Variants in DOCK6 observed in about 807,000 individuals in gnomAD.
The protein encoded by DOCK6 is dedicator of cytokinesis 6.
A neutral mutation model predicts 230.3 loss-of-function variants in DOCK6; 167 were observed. The ratio of observed to expected loss-of-function variants is 0.73; its 90% confidence interval spans 0.64 to 0.82. The LOEUF (loss-of-function observed/expected upper bound fraction) is 0.82, where lower values mean the gene tolerates loss of function less well. Among genes scored for constraint, DOCK6 ranks in the 40% least tolerant of loss-of-function variants. The pLI, the probability that DOCK6 is intolerant of heterozygous loss-of-function variation, is 0.00. For missense variants in DOCK6, 2,598 were observed against 2,825.8 expected, an observed-to-expected ratio of 0.92 and a Z score of 1.83; for synonymous variants, 1,148 against 1,185.0, an observed-to-expected ratio of 0.97 and a Z score of 0.64.
At chr19:11,203,902 G>A (rs1278345858) in intron 41 of DOCK6, 179 bp downstream of exon 41, 2 of 751,930 alleles carry the variant, frequency 2.7e-6, no homozygotes, top group South Asian at 1.9e-5. Flanking sequence ...TGGGGCGGGG[G>A]GTGGGGGCAT....
rs746199561 is a variant in DOCK6, at chr19:11,233,315, C to G, written c.2606G>C (p.Arg869Pro). 1 of 1,613,776 alleles carries G rather than the reference C, an allele frequency of 6.2e-7. No homozygotes were observed. Among genetic ancestry groups the G allele is most frequent in the South Asian group, 1.1e-5 (1 of 91,068 alleles). Residue 869 changes from arginine (R) to proline (P), a missense_variant, in exon 22 of 48, where the codon CGC becomes CCC. Arg to Pro is a moderately radical substitution (Grantham distance 103, BLOSUM62 -2). Transcript: ENST00000294618. Reference sequence around the variant, plus strand: ...ACGCGCCAGGTAGAGGCTTGCGGGGCGACCAGAGCCACGGGCCAGTGTGGC... The same window carrying G: ...ACGCGCCAGGTAGAGGCTTGCGGGGGGACCAGAGCCACGGGCCAGTGTGGC... Reference protein sequence around the residue: ...QAATLARGSGRPASLYLARSK... With the variant: ...QAATLARGSGPPASLYLARSK...
intron 24 of DOCK6, among the ~76,000 whole-genome samples, chr19:11,224,198 CT>C (rs903828500): frequency 6.7e-6 from 1 of 148,746 alleles, no homozygotes; most frequent in Non-Finnish European, 1.5e-5. Context: ...ACTTTTCTTT[CT>C]TTCTTTCTTT....
At chr19:11,261,476 C>T (rs1308254534) in intron 1 of DOCK6, among the ~76,000 whole-genome samples, 4 of 152,104 alleles carry the variant, frequency 2.6e-5, no homozygotes, top group African/African-American at 4.8e-5. Flanking sequence ...TCCATAAGAC[C>T]AGGGCCCAAC....
chr19:11,248,166 G>T lies in DOCK6; in HGVS notation c.721-15C>A. 6.4e-7 allele frequency: 1 copy of T among 1,557,222 alleles called. No homozygotes were observed. Among genetic ancestry groups the T allele is most frequent in the Non-Finnish European group, 8.8e-7 (1 of 1,133,664 alleles). ...ACGGCTTCATCCTGCCAAGAGTGGG[G>T]GGTGGGAGCTGGGCGGGAGGAGCTG... On this transcript the variant is annotated splice_polypyrimidine_tract_variant and intron_variant, in intron 6 of 47. Transcript: ENST00000294618.
chr19:11,234,778 G>A lies in DOCK6; in HGVS notation c.2554+820C>T, dbSNP rs1298086912. ...AAGAGGCTTGCTGACTATCTGAATC[G>A]TTTTCCAGCCAAGCACACAGAAGCC... On this transcript the variant is annotated intron_variant, in intron 21 of 47. Transcript: ENST00000294618. Among the ~76,000 whole-genome samples the A allele has an allele frequency of 5.9e-5, 9 of 152,254 alleles. No homozygotes were observed. In the East Asian group the frequency reaches 1.4e-3, roughly 23 times the overall value.
At chr19:11,219,252 C>G (rs545059868) in intron 28 of DOCK6, among the ~76,000 whole-genome samples, 5 of 131,900 alleles carry the variant, frequency 3.8e-5, no homozygotes, top group African/African-American at 1.5e-4. Flanking sequence ...GACGCGATCT[C>G]GGCTCACTGC....
Position 11,251,038 on chromosome 19 carries a change from T to G in DOCK6, c.556A>C (p.Ser186Arg). 6.2e-7 allele frequency: 1 copy of G among 1,613,498 alleles called. No individual in the cohort carries two copies. Among genetic ancestry groups the G allele is most frequent in the Non-Finnish European group, 8.5e-7 (1 of 1,179,750 alleles). The change falls in exon 6 of 48, where the codon AGT becomes CGT. Residue 186 changes from serine to arginine, a missense_variant. Coordinates refer to ENST00000294618, the MANE Select transcript of DOCK6 (RefSeq NM_020812.4). ...AGGTCGAAGATGCTAGAGGCACCAC[T>G]GCTTCGAGGGGTGTCTTCCGGGGAG... ...SGSPEDTPRS[S>R]GASSIFDLRN...
chr19:11,233,420 C>T (rs2079800111), intron 21 of DOCK6, 54 bp from the exon 22 acceptor site: 1 of 1,576,226 alleles, frequency 6.3e-7, no homozygotes, highest in East Asian at 2.3e-5. Flanking sequence ...TGATGCCTCC[C>T]AGTCCCTTCC....
Position 11,201,760 on chromosome 19 carries a change from A to T in DOCK6, c.5688+129T>A. On this transcript the variant is annotated intron_variant, in intron 44 of 47. Coordinates refer to ENST00000294618, the MANE Select transcript of DOCK6 (RefSeq NM_020812.4). This position sits in a 1 kb window ranked among gnomAD's most constrained non-coding sequence, Gnocchi z 4.3. ...GGATCTGGTCTAGGGTCCCTGTGCCACCCCTCTCTGGGTCTGAGGTCCGTG... is the reference window on the plus strand; with the variant it reads ...GGATCTGGTCTAGGGTCCCTGTGCCTCCCCTCTCTGGGTCTGAGGTCCGTG... 2 of 855,480 alleles carry T rather than the reference A, an allele frequency of 2.3e-6. No homozygotes were observed. The highest frequency in any genetic ancestry group is 3.6e-6 in the Non-Finnish European group (2 of 556,932). 53.0% of individuals were successfully genotyped at this position (855,480 alleles called of 1,614,324 possible).
Position 11,236,776 on chromosome 19 carries a change from C to T in DOCK6, c.2160+17G>A, listed in dbSNP as rs1285872936. On this transcript the variant is annotated intron_variant, in intron 19 of 47. Coordinates refer to ENST00000294618, the MANE Select transcript of DOCK6 (RefSeq NM_020812.4). This position sits in a 1 kb window ranked among gnomAD's most constrained non-coding sequence, Gnocchi z 5.2. ...GGGGAGCAGGGCGGGACTCTTGGTTCCCGGCCCACCCCGTACCTGGGGGTG... is the reference window on the plus strand; with the variant it reads ...GGGGAGCAGGGCGGGACTCTTGGTTTCCGGCCCACCCCGTACCTGGGGGTG... 1 of 1,551,742 alleles carries T rather than the reference C, an allele frequency of 6.4e-7. No individual in the cohort carries two copies. The highest frequency in any genetic ancestry group is 2.4e-5 in the East Asian group (1 of 40,966).
rs184213093 is a variant in DOCK6 at position 11,235,154 on chromosome 19, C to T, written c.2554+444G>A. Among the ~76,000 whole-genome samples, 8 of 152,184 alleles carry T rather than the reference C, an allele frequency of 5.3e-5. No homozygotes were observed. In the East Asian group the frequency reaches 1.5e-3, roughly 29 times the overall value. ...TTTTTGAGATGGAGTTTCACTCTGT[C>T]ACCCAGGCTGGAGTGCGGTGGCATG... On this transcript the variant is annotated intron_variant, in intron 21 of 47. Coordinates refer to ENST00000294618, the MANE Select transcript of DOCK6 (RefSeq NM_020812.4).
chr19:11,204,667 A>T (rs7252976), intron 39 of DOCK6, among the ~76,000 whole-genome samples: 8 of 151,928 alleles, frequency 5.3e-5, no homozygotes, highest in Non-Finnish European at 1.2e-4. Flanking sequence ...AGCCTCCCAC[A>T]TAGCTGGAAC....
At chr19:11,228,497 T>TG (rs539955382) in intron 23 of DOCK6, among the ~76,000 whole-genome samples, 2,870 of 147,032 alleles carry the variant, frequency 0.02, 61 homozygotes, top group African/African-American at 0.049. Context: ...CCCTAGGTTG[T>TG]GGGGGGGGGT....
intron 14 of DOCK6, chr19:11,239,655 G>C (rs2147840128): frequency 6.2e-7 from 1 of 1,613,796 alleles, no homozygotes; most frequent in Non-Finnish European, 8.5e-7. Context: ...TGCCTGCTCT[G>C]TGCCTGCTCT....
intron 23 of DOCK6, among the ~76,000 whole-genome samples, chr19:11,228,460 A>G (rs2079705479): frequency 6.6e-6 from 1 of 151,490 alleles, no homozygotes; most frequent in Non-Finnish European, 1.5e-5. Context: ...CTCTCCAGGG[A>G]GACACCACCT....
Position 11,199,551 on chromosome 19 carries a change from A to AT in DOCK6, c.6102-13dup. 1 of 1,573,046 alleles carries AT rather than the reference A, an allele frequency of 6.4e-7. No homozygotes were observed. ...TGTTCAAGGAGTTCCTGGAAAAAGAATGAGGGTGGGTCAGCATGGCCATGG... is the reference window on the plus strand; with the variant it reads ...TGTTCAAGGAGTTCCTGGAAAAAGAATTGAGGGTGGGTCAGCATGGCCATGG... On this transcript the variant is annotated splice_polypyrimidine_tract_variant and intron_variant, in intron 47 of 47. Coordinates refer to ENST00000294618, the MANE Select transcript of DOCK6 (RefSeq NM_020812.4).
chr19:11,242,915 T>C (rs1599269613), intron 13 of DOCK6, 144 bp downstream of exon 13: 4 of 881,318 alleles, frequency 4.5e-6, no homozygotes, highest in East Asian at 2.5e-5. Context: ...TTAGAAGCTG[T>C]AGCCAGCCCC....
chr19:11,243,055 G>A lies in DOCK6; in HGVS notation c.1480+4C>T, dbSNP rs576470754. ...ACTTCTTGTGTATGGGGTGTGCCAC[G>A]CACCAGTCACAGGACGTAGTCGCCG... On this transcript the variant is annotated splice_donor_region_variant and intron_variant, in intron 13 of 47. Coordinates refer to ENST00000294618, the MANE Select transcript of DOCK6 (RefSeq NM_020812.4). The surrounding 1 kb of genome is among the most constrained non-coding windows in gnomAD (Gnocchi z 6.3). 339 of 1,613,728 alleles carry A rather than the reference G, an allele frequency of 2.1e-4. 4 individuals are homozygous for A. Among genetic ancestry groups the A allele is most frequent in the South Asian group, 2.1e-3 (187 of 91,088 alleles).
At chr19:11,215,984 G>A (rs1477080008) in intron 30 of DOCK6, 57 bp from the exon 31 acceptor site, 4 of 1,603,670 alleles carry the variant, frequency 2.5e-6, no homozygotes, top group Non-Finnish European at 3.4e-6. Flanking sequence ...GGGGGGACCT[G>A]GGCTGGCCCC....
Sources: allele counts gnomAD v4.1 joint callset (sites outside exome capture counted in the v4.1 genomes callset), GRCh38; gene constraint gnomAD v4.1.1; non-coding constraint Gnocchi (gnomAD v3.1); transcripts MANE v1.5; gene names NCBI Gene and HGNC (gene_info 2026-07-23, HGNC 2026-07-21).